The following HOMER2 variants were observed in gnomAD, a reference collection of about 807,000 sequenced individuals.
HOMER2 encodes the protein homer protein homolog 2.
Under a neutral mutation model 47.0 loss-of-function variants are expected in HOMER2, and 27 were observed. That is an observed-to-expected ratio of 0.57 (90% CI 0.42 to 0.79). HOMER2 has a LOEUF of 0.79. Ranked by LOEUF, HOMER2 falls within the 30% of genes least tolerant of loss-of-function variation. The pLI, the probability that HOMER2 is intolerant of heterozygous loss-of-function variation, is 0.00. For missense variants in HOMER2, 443 were observed against 435.0 expected (o/e 1.02, Z -0.16); for synonymous variants, 161 against 163.8 (o/e 0.98, Z 0.13).
intron 3 of HOMER2, among the ~76,000 whole-genome samples, chr15:82,865,285 A>G (rs1019587373): frequency 6.6e-6 from 1 of 152,214 alleles, no homozygotes; most frequent in African/African-American, 2.4e-5. Context: ...GGATGCACAA[A>G]GCCTCCCTCA....
At chr15:82,860,371 G>C (rs1348530993) in intron 4 of HOMER2, among the ~76,000 whole-genome samples, 1 of 149,492 alleles carries the variant, frequency 6.7e-6, no homozygotes, top group Admixed American at 7.0e-5. Flanking sequence ...AAAATATGGT[G>C]GGGGGGAGCA....
chr15:82,866,720 T>C (rs979219373), intron 3 of HOMER2, among the ~76,000 whole-genome samples: 1 of 152,178 alleles, frequency 6.6e-6, no homozygotes, highest in Non-Finnish European at 1.5e-5. Flanking sequence ...CTGATGGTTT[T>C]AAAAATGAGA....
rs559351689 is a variant in HOMER2 at position 82,861,936 on chromosome 15, G to GGCAGAGGTTGCAGTGA, written c.387+2215_387+2230dup. Among the ~76,000 whole-genome samples the GGCAGAGGTTGCAGTGA allele has an allele frequency of 8.5e-4, 130 of 152,274 alleles. 2 individuals carry two copies. The highest frequency in any genetic ancestry group is 7.1e-3 in the Admixed American group (108 of 15,294). ...GCAGGAGAATCCCTTGAACTTGGGA[G>GGCAGAGGTTGCAGTGA]GCAGAGGTTGCAGTGAGCAGAGGTT... On this transcript the variant is annotated intron_variant, in intron 4 of 8. Transcript: ENST00000450735.
At chr15:82,920,337 C>T (rs2053696519) in intron 1 of HOMER2, among the ~76,000 whole-genome samples, 1 of 152,194 alleles carries the variant, frequency 6.6e-6, no homozygotes. Flanking sequence ...CCTAGGGCTG[C>T]TGTACCAAAT....
chr15:82,938,858 C>T (rs145056620), intron 1 of HOMER2, among the ~76,000 whole-genome samples: 1 of 152,306 alleles, frequency 6.6e-6, no homozygotes, highest in Non-Finnish European at 1.5e-5. Flanking sequence ...GTTGAAGATG[C>T]TCCCCTTTTC....
At chr15:82,845,528 G>A (rs1220967520), downstream of HOMER2, 1 of 152,152 alleles carries the variant, frequency 6.6e-6, no homozygotes, top group Non-Finnish European at 1.5e-5. Context: ...TTTAAAGCAT[G>A]CATATCTTTA....
intron 3 of HOMER2, among the ~76,000 whole-genome samples, chr15:82,870,045 G>A (rs1178039135): frequency 6.6e-6 from 1 of 152,108 alleles, no homozygotes; most frequent in Non-Finnish European, 1.5e-5. Flanking sequence ...TAAAATTGTG[G>A]TAATAATTTT....
At chr15:82,850,033 G>C (rs1433577700) in intron 8 of HOMER2, 130 bp from the exon 9 acceptor site, 2 of 845,804 alleles carry the variant, frequency 2.4e-6, no homozygotes, top group Non-Finnish European at 3.6e-6. Flanking sequence ...GCTGCCTAGA[G>C]ACATGCTACC....
intron 4 of HOMER2, among the ~76,000 whole-genome samples, chr15:82,862,126 C>A (rs1316962721): frequency 1.3e-5 from 2 of 150,970 alleles, no homozygotes; most frequent in Non-Finnish European, 2.9e-5. Context: ...TGGTCTCGAA[C>A]TCATGAGCTC....
intron 4 of HOMER2, among the ~76,000 whole-genome samples, chr15:82,863,435 C>T (rs1379334226): frequency 2.0e-5 from 3 of 152,134 alleles, no homozygotes; most frequent in African/African-American, 7.2e-5. Flanking sequence ...ACAGTATCTC[C>T]AAGCACATCT....
chr15:82,850,335 G>A (rs1054777759), intron 8 of HOMER2, among the ~76,000 whole-genome samples: 16 of 152,326 alleles, frequency 1.1e-4, no homozygotes, highest in East Asian at 9.6e-4. Flanking sequence ...ACAGAGAGGC[G>A]TGGCCTCCTC....
At chr15:82,855,367 C>T (rs1345012272) in intron 5 of HOMER2, among the ~76,000 whole-genome samples, 1 of 146,422 alleles carries the variant, frequency 6.8e-6, no homozygotes, top group Non-Finnish European at 1.5e-5. Flanking sequence ...CAATTCTTCA[C>T]GAATGAAGAG....
intron 1 of HOMER2, among the ~76,000 whole-genome samples, chr15:82,967,372 T>TA (rs996091658): frequency 4.3e-4 from 65 of 151,586 alleles, no homozygotes; most frequent in African/African-American, 6.3e-4. Flanking sequence ...ACGTAAGTTT[T>TA]AAAAAAAAAG....
At chr15:82,922,598 A>G (rs1236563511) in intron 1 of HOMER2, among the ~76,000 whole-genome samples, 2 of 152,272 alleles carry the variant, frequency 1.3e-5, no homozygotes, top group East Asian at 3.9e-4. Context: ...GCCCTTGTGA[A>G]CCTCAAACGA....
intron 1 of HOMER2, among the ~76,000 whole-genome samples, chr15:82,900,233 T>C (rs1174989014): frequency 1.3e-5 from 2 of 151,962 alleles, no homozygotes; most frequent in African/African-American, 4.8e-5. Flanking sequence ...CTCTAGTACA[T>C]ACTAGAATTG....
At chr15:82,890,800 T>G (rs1457415541) in intron 2 of HOMER2, among the ~76,000 whole-genome samples, 1 of 152,170 alleles carries the variant, frequency 6.6e-6, no homozygotes, top group Non-Finnish European at 1.5e-5. Context: ...ACTGGCAGAA[T>G]CTATAGATAA....
At chr15:82,841,059 T>C (rs555237114) in exon 2 of HOMER2, 2 of 152,176 alleles carry the variant, frequency 1.3e-5, no homozygotes, top group African/African-American at 2.4e-5. Context: ...CATAATAAAA[T>C]GAGAAAACCA....
At position 82,859,059 on chromosome 15, in the gene HOMER2, T is replaced by C; in HGVS notation, c.464A>G (p.Asn155Ser). Reference sequence around the variant, plus strand: ...CGTCAAGGCAATCTTCAGCTTGTCATTCTCAGACTTCAGGTGTGTGTTGGC... The same window carrying C: ...CGTCAAGGCAATCTTCAGCTTGTCACTCTCAGACTTCAGGTGTGTGTTGGC... ...GPANTHLKSE[N>S]DKLKIALTQS... is the part of the protein sequence containing the mutation. Residue 155 changes from asparagine to serine, a missense_variant, in exon 5 of 9, where the codon AAT (asparagine) becomes AGT (serine). Coordinates refer to ENST00000450735, the MANE Select transcript of HOMER2 (RefSeq NM_004839.4). The C allele has an allele frequency of 6.2e-7, 1 of 1,614,028 alleles. No individual in the cohort carries two copies. Among genetic ancestry groups the C allele is most frequent in the Non-Finnish European group, 8.5e-7 (1 of 1,179,882 alleles).
chr15:82,894,009 A>C (rs1275643884), intron 1 of HOMER2, among the ~76,000 whole-genome samples: 3 of 152,050 alleles, frequency 2.0e-5, no homozygotes, highest in African/African-American at 7.3e-5. Flanking sequence ...CCATTCAACA[A>C]CCTGACCAAA....
Sources: gnomAD v4.1 joint callset for allele counts (sites outside exome capture counted in the v4.1 genomes callset) on GRCh38, gnomAD v4.1.1 for gene constraint, MANE v1.5 for transcripts, NCBI Gene and HGNC (gene_info 2026-07-23, HGNC 2026-07-21) for gene names.